The following INTS7 variants were observed in gnomAD, a reference collection of about 807,000 sequenced individuals.
INTS7 encodes the protein integrator complex subunit 7, also known as chromosome 1 open reading frame 73.
Under a neutral mutation model 109.2 loss-of-function variants are expected in INTS7, and 46 were observed. The observed-to-expected ratio is 0.42, with a 90% CI of 0.33 to 0.54. The LOEUF (loss-of-function observed/expected upper bound fraction) is 0.54, where lower values mean the gene tolerates loss of function less well. Among genes scored for constraint, INTS7 ranks in the 20% least tolerant of loss-of-function variants. The pLI is 0.07. For missense variants in INTS7, 929 were observed against 1,132.4 expected (o/e 0.82, Z 2.58); for synonymous variants, 412 against 402.9 (o/e 1.02, Z -0.27).
intron 7 of INTS7, among the ~76,000 whole-genome samples, chr1:211,993,848 G>A (rs2884428): frequency 0.39 from 58,584 of 151,828 alleles, 13,237 homozygotes; most frequent in Middle Eastern, 0.54. Context: ...TTTGACTACC[G>A]TAATAATAAT....
chr1:211,992,330 ATAT>A (rs1331003753), intron 7 of INTS7, among the ~76,000 whole-genome samples: 1 of 152,264 alleles, frequency 6.6e-6, no homozygotes, highest in East Asian at 1.9e-4. Flanking sequence ...TAAAATGATA[ATAT>A]TAATAATTTT....
chr1:212,031,841 T>C (rs566454292), intron 1 of INTS7, among the ~76,000 whole-genome samples: 2 of 152,372 alleles, frequency 1.3e-5, no homozygotes, highest in South Asian at 2.1e-4. Context: ...TTACTGCCAA[T>C]GCTTGCTCAA....
intron 8 of INTS7, among the ~76,000 whole-genome samples, chr1:211,985,520 T>G (rs923795231): frequency 6.6e-6 from 1 of 152,132 alleles, no homozygotes; most frequent in Non-Finnish European, 1.5e-5. Context: ...CAAACTTCAA[T>G]AAAAGGACAA....
At chr1:212,012,955 A>G (rs2102477234) in intron 4 of INTS7, among the ~76,000 whole-genome samples, 1 of 152,364 alleles carries the variant, frequency 6.6e-6, no homozygotes, top group Non-Finnish European at 1.5e-5. Flanking sequence ...TATATATTTA[A>G]TCTGACAGAC....
intron 5 of INTS7, among the ~76,000 whole-genome samples, chr1:212,010,996 T>A (rs1190031209): frequency 2.6e-5 from 4 of 152,138 alleles, no homozygotes; most frequent in Non-Finnish European, 4.4e-5. Context: ...CTCTGATCAA[T>A]ATATACAAAA....
chr1:212,002,609 T>G (rs1266616754), intron 7 of INTS7, among the ~76,000 whole-genome samples: 1 of 152,206 alleles, frequency 6.6e-6, no homozygotes, highest in African/African-American at 2.4e-5. Context: ...ATAATACCCT[T>G]CCTTTAGGGG....
chr1:212,009,452 G>A (rs1191791080), intron 5 of INTS7, among the ~76,000 whole-genome samples: 1 of 152,154 alleles, frequency 6.6e-6, no homozygotes, highest in Admixed American at 6.5e-5. Context: ...AGCCCAGCAG[G>A]AGTTGCAGAG....
intron 1 of INTS7, among the ~76,000 whole-genome samples, chr1:212,028,406 G>A (rs1667019858): frequency 6.6e-6 from 1 of 152,192 alleles, no homozygotes; most frequent in Non-Finnish European, 1.5e-5. Context: ...TAGTAGTACT[G>A]CAGAAACATT....
chr1:211,989,239 C>T (rs937986828), intron 7 of INTS7, among the ~76,000 whole-genome samples: 3 of 151,896 alleles, frequency 2.0e-5, no homozygotes, highest in Admixed American at 6.6e-5. Flanking sequence ...CAGAAAACAT[C>T]CAGAAAAACT....
rs969724973 is a variant in INTS7 at position 211,940,497 on chromosome 1, C to T, written c.*1327G>A. The T allele has an allele frequency of 1.3e-5, 2 of 152,138 alleles. No individual in the cohort carries two copies. Among genetic ancestry groups the T allele is most frequent in the Admixed American group, 6.5e-5 (1 of 15,268 alleles). 9.4% of individuals were successfully genotyped at this position (152,138 alleles called of 1,614,324 possible). A position where few individuals can be genotyped will look rare whatever the true frequency, so the allele number is the denominator to read the frequency against. On this transcript the variant is annotated 3_prime_UTR_variant, in exon 20 of 20. Coordinates refer to ENST00000366994, the MANE Select transcript of INTS7 (RefSeq NM_015434.4). Reference sequence around the variant, plus strand: ...CATCCGGCCAAATTACTTATAGCATCGGCATCTGCAACCATATGATCCCTG... The same window carrying T: ...CATCCGGCCAAATTACTTATAGCATTGGCATCTGCAACCATATGATCCCTG...
chr1:211,960,155 T>C (rs1411488238), intron 16 of INTS7, among the ~76,000 whole-genome samples: 1 of 152,090 alleles, frequency 6.6e-6, no homozygotes, highest in South Asian at 2.1e-4. Flanking sequence ...TTGAGGCTCA[T>C]ATCAGTCCCC....
intron 1 of INTS7, 44 bp downstream of exon 1, chr1:212,035,300 C>A (rs767870426): frequency 7.6e-7 from 1 of 1,309,448 alleles, no homozygotes; most frequent in Admixed American, 1.7e-5. Flanking sequence ...GGCGCCACTT[C>A]CCCCCACGCC....
chr1:211,973,564 G>T (rs1045036499), intron 13 of INTS7, among the ~76,000 whole-genome samples: 1 of 152,020 alleles, frequency 6.6e-6, no homozygotes, highest in Non-Finnish European at 1.5e-5. Flanking sequence ...AAGTTAAAAG[G>T]GGCAGCCCAT....
At chr1:211,981,444 TAAAGCCAC>T (rs1571872408) in intron 9 of INTS7, among the ~76,000 whole-genome samples, 1 of 152,162 alleles carries the variant, frequency 6.6e-6, no homozygotes, top group East Asian at 1.9e-4. Flanking sequence ...AATCAAGAGC[TAAAGCCAC>T]AAAGCTATAA....
intron 10 of INTS7, among the ~76,000 whole-genome samples, 179 bp from the exon 11 acceptor site, chr1:211,978,690 C>T (rs1664527123): frequency 6.6e-6 from 1 of 151,196 alleles, no homozygotes; most frequent in African/African-American, 2.4e-5. Context: ...GTGAAGTGCA[C>T]TACGTTTAAA....
chr1:212,028,872 G>A (rs1378194129), intron 1 of INTS7, among the ~76,000 whole-genome samples: 2 of 152,190 alleles, frequency 1.3e-5, no homozygotes, highest in Non-Finnish European at 2.9e-5. Context: ...TAAGCAATTT[G>A]CGTAAGAAAC....
intron 7 of INTS7, among the ~76,000 whole-genome samples, chr1:211,990,652 T>C (rs1665104563): frequency 6.6e-6 from 1 of 152,172 alleles, no homozygotes; most frequent in South Asian, 2.1e-4. Context: ...ACCTGAAAGA[T>C]GCAGTATGTT....
chr1:212,004,531 A>G (rs1448514592), intron 7 of INTS7, among the ~76,000 whole-genome samples: 2 of 152,190 alleles, frequency 1.3e-5, no homozygotes, highest in Non-Finnish European at 2.9e-5. Flanking sequence ...AAGGGACCTA[A>G]AATAAGTGGA....
intron 7 of INTS7, among the ~76,000 whole-genome samples, chr1:211,994,751 A>G (rs1291107944): frequency 6.6e-6 from 1 of 151,702 alleles, no homozygotes; most frequent in Non-Finnish European, 1.5e-5. Context: ...TTCTTCATGA[A>G]GAAACAAACA....
Sources: allele counts gnomAD v4.1 joint callset (sites outside exome capture counted in the v4.1 genomes callset), GRCh38; gene constraint gnomAD v4.1.1; transcripts MANE v1.5; gene names NCBI Gene and HGNC (gene_info 2026-07-23, HGNC 2026-07-21).